UGT8: variants seen among roughly 807,000 people sequenced by gnomAD.
The protein encoded by UGT8 is 2-hydroxyacylsphingosine 1-beta-galactosyltransferase.
In UGT8, 12 loss-of-function variants were observed where a neutral mutation model predicts 40.5. That is an observed-to-expected ratio of 0.30 (90% CI 0.19 to 0.48). The LOEUF (loss-of-function observed/expected upper bound fraction) is 0.48, where lower values mean the gene tolerates loss of function less well. Among genes scored for constraint, UGT8 ranks in the 20% least tolerant of loss-of-function variants. UGT8 has a pLI of 0.99. For synonymous variants in UGT8, 224 were observed against 240.4 expected (o/e 0.93, Z 0.63); for missense variants, 513 against 648.7 (o/e 0.79, Z 2.27).
chr4:114,635,617 A>C (rs773760163), intron 2 of UGT8, among the ~76,000 whole-genome samples: 1 of 152,218 alleles, frequency 6.6e-6, no homozygotes, highest in Non-Finnish European at 1.5e-5. Context: ...TTAAGGAAAA[A>C]ATTGAAATTA....
chr4:114,666,922 C>G (rs919908189), intron 4 of UGT8, among the ~76,000 whole-genome samples: 1 of 151,968 alleles, frequency 6.6e-6, no homozygotes, highest in Non-Finnish European at 1.5e-5. Context: ...AAGATTCTTC[C>G]GGGATGAGAA....
chr4:114,618,903 T>C (rs1170891186), intron 1 of UGT8, among the ~76,000 whole-genome samples: 1 of 152,128 alleles, frequency 6.6e-6, no homozygotes, highest in Non-Finnish European at 1.5e-5. Context: ...ACTTCCTTCG[T>C]CATCTATTAG....
chr4:114,670,510 CAT>C (rs1278810589), intron 5 of UGT8, among the ~76,000 whole-genome samples: 1 of 144,214 alleles, frequency 6.9e-6, no homozygotes, highest in Non-Finnish European at 1.5e-5. Flanking sequence ...GCTGGTTCAA[CAT>C]ATGTAAATCT....
intron 2 of UGT8, among the ~76,000 whole-genome samples, chr4:114,628,037 A>G (rs970043754): frequency 2.0e-5 from 3 of 152,232 alleles, no homozygotes; most frequent in African/African-American, 4.8e-5. Flanking sequence ...TAGTGCAACA[A>G]TGTTAATATT....
At chr4:114,608,833 A>G (rs1181231072) in intron 1 of UGT8, among the ~76,000 whole-genome samples, 3 of 152,194 alleles carry the variant, frequency 2.0e-5, no homozygotes, top group Admixed American at 1.3e-4. Flanking sequence ...GCCTAATGTC[A>G]TGAAACCATA....
intron 2 of UGT8, among the ~76,000 whole-genome samples, chr4:114,662,203 A>T (rs1233758194): frequency 1.3e-5 from 2 of 152,228 alleles, no homozygotes; most frequent in African/African-American, 2.4e-5. Flanking sequence ...CACCTAACAT[A>T]CCAACGTCAT....
At chr4:114,616,746 G>A (rs368650701) in intron 1 of UGT8, among the ~76,000 whole-genome samples, 8 of 152,222 alleles carry the variant, frequency 5.3e-5, no homozygotes, top group African/African-American at 1.9e-4. Context: ...TGGCTCCCAT[G>A]TATGGTATTA....
At chr4:114,645,413 C>T (rs564114014) in intron 2 of UGT8, among the ~76,000 whole-genome samples, 1 of 152,256 alleles carries the variant, frequency 6.6e-6, no homozygotes, top group Admixed American at 6.5e-5. Context: ...ATTCAAGTCG[C>T]ATAGCGAGAT....
At chr4:114,639,700 AG>A (rs1373571472) in intron 2 of UGT8, among the ~76,000 whole-genome samples, 1 of 152,234 alleles carries the variant, frequency 6.6e-6, no homozygotes, top group Non-Finnish European at 1.5e-5. Flanking sequence ...TACTATTACT[AG>A]TTTTAAGTCA....
At chr4:114,615,422 T>C (rs1731344752) in intron 1 of UGT8, among the ~76,000 whole-genome samples, 2 of 152,190 alleles carry the variant, frequency 1.3e-5, no homozygotes, top group African/African-American at 2.4e-5. Context: ...TTCCTAGTTT[T>C]AGCACTGAAA....
chr4:114,605,429 A>G (rs1232724783), intron 1 of UGT8, among the ~76,000 whole-genome samples: 1 of 152,176 alleles, frequency 6.6e-6, no homozygotes, highest in Non-Finnish European at 1.5e-5. Flanking sequence ...TGCATCTGCA[A>G]GGAATCCAGT....
intron 3 of UGT8, 112 bp downstream of exon 3, chr4:114,664,249 A>G: frequency 2.5e-6 from 3 of 1,207,142 alleles, no homozygotes. Flanking sequence ...GATTAGCAAG[A>G]TGCCCTTGAC....
chr4:114,605,601 T>G (rs1730685485), intron 1 of UGT8, among the ~76,000 whole-genome samples: 1 of 152,180 alleles, frequency 6.6e-6, no homozygotes, highest in Admixed American at 6.5e-5. Context: ...ACTTTTTAGT[T>G]ATTACATTAA....
chr4:114,601,025 G>T (rs1423874306), intron 1 of UGT8, among the ~76,000 whole-genome samples: 1 of 152,134 alleles, frequency 6.6e-6, no homozygotes, highest in Non-Finnish European at 1.5e-5. Flanking sequence ...CTATTAGGAG[G>T]TTGGGCATAA....
chr4:114,603,812 G>A (rs1487382616), intron 1 of UGT8, among the ~76,000 whole-genome samples: 2 of 152,146 alleles, frequency 1.3e-5, no homozygotes, highest in Non-Finnish European at 2.9e-5. Flanking sequence ...ACTCCTTTGT[G>A]TTTAACAAAT....
chr4:114,607,511 C>G (rs1423153803), intron 1 of UGT8, among the ~76,000 whole-genome samples: 5 of 152,050 alleles, frequency 3.3e-5, no homozygotes, highest in Non-Finnish European at 7.4e-5. Flanking sequence ...TCTTTTGTCC[C>G]AGCACCTCTC....
intron 2 of UGT8, among the ~76,000 whole-genome samples, chr4:114,632,735 GGTCA>G (rs1223507562): frequency 6.6e-6 from 1 of 152,160 alleles, no homozygotes; most frequent in Non-Finnish European, 1.5e-5. Flanking sequence ...AGGGATCTCA[GGTCA>G]GTCAACTTTT....
chr4:114,664,463 T>C (rs973089591), intron 3 of UGT8, among the ~76,000 whole-genome samples: 20 of 152,232 alleles, frequency 1.3e-4, no homozygotes, highest in African/African-American at 4.8e-4. Context: ...TAAAAATTAG[T>C]TTTAATTGCA....
At chr4:114,645,617 T>C (rs1441007640) in intron 2 of UGT8, among the ~76,000 whole-genome samples, 2 of 152,124 alleles carry the variant, frequency 1.3e-5, no homozygotes, top group Admixed American at 1.3e-4. Flanking sequence ...AAAAGAGAAA[T>C]AGAGACAAGA....
Sources: gnomAD v4.1 joint callset for allele counts (sites outside exome capture counted in the v4.1 genomes callset) on GRCh38, gnomAD v4.1.1 for gene constraint, MANE v1.5 for transcripts, NCBI Gene and HGNC (gene_info 2026-07-23, HGNC 2026-07-21) for gene names.